Variants in SHQ1 observed in about 807,000 individuals in gnomAD.
SHQ1 encodes SHQ1, H/ACA ribonucleoprotein assembly factor, also known as protein SHQ1 homolog.
In SHQ1, 49 loss-of-function variants were observed where a neutral mutation model predicts 53.8. The ratio of observed to expected loss-of-function variants is 0.91; its 90% CI spans 0.72 to 1.16. The LOEUF (loss-of-function observed/expected upper bound fraction) is 1.16. Among genes scored for constraint, SHQ1 ranks in the 50% most tolerant of loss-of-function variants. SHQ1 has a pLI of 0.00. For missense variants in SHQ1, 738 were observed against 683.1 expected (o/e 1.08, Z -0.90); for synonymous variants, 243 against 251.0 (o/e 0.97, Z 0.30).
At chr3:72,792,623 T>G (rs771206476) in intron 10 of SHQ1, among the ~76,000 whole-genome samples, 31 of 151,792 alleles carry the variant, frequency 2.0e-4, no homozygotes, top group Middle Eastern at 6.8e-3. Context: ...CCGTCTCTAC[T>G]AAAAATAAAA....
intron 5 of SHQ1, among the ~76,000 whole-genome samples, chr3:72,826,124 C>T (rs1707648644): frequency 6.6e-6 from 1 of 152,122 alleles, no homozygotes; most frequent in South Asian, 2.1e-4. Flanking sequence ...AGCTCTTAAC[C>T]AACATAAATA....
intron 6 of SHQ1, among the ~76,000 whole-genome samples, chr3:72,819,114 G>A (rs1160935148): frequency 3.9e-5 from 6 of 152,204 alleles, no homozygotes; most frequent in African/African-American, 1.4e-4. Flanking sequence ...TACACTGTGT[G>A]AAGCTTGTGA....
rs1387503977 is a variant in SHQ1 at position 72,827,434 on chromosome 3, A to C, written c.600-2883T>G. On this transcript the variant is annotated intron_variant, in intron 5 of 10. Coordinates refer to ENST00000325599, the MANE Select transcript of SHQ1 (RefSeq NM_018130.3). ...CAGAGGACACCAAAGGCAAGAGTAA[A>C]GGAGCCTAACTGAAAAGATGCTGTT... is the stretch of plus-strand genomic sequence containing the variant. Among the ~76,000 whole-genome samples, 3 of 152,220 alleles carry C rather than the reference A, an allele frequency of 2.0e-5. No homozygotes were observed. In the East Asian group the frequency reaches 5.8e-4, roughly 29 times the overall value.
intron 1 of SHQ1, among the ~76,000 whole-genome samples, chr3:72,846,691 G>A (rs1708341007): frequency 6.6e-6 from 1 of 152,168 alleles, no homozygotes; most frequent in Non-Finnish European, 1.5e-5. Flanking sequence ...CAGGCTCTGG[G>A]ACTGTTTTGA....
chr3:72,749,279 G>A lies in SHQ1; in HGVS notation c.*1005C>T. 4.5e-6 allele frequency: 1 copy of A among 222,846 alleles called. No individual in the cohort carries two copies. Among genetic ancestry groups the A allele is most frequent in the African/African-American group, 2.2e-5 (1 of 44,888 alleles). 13.8% of individuals were successfully genotyped at this position (222,846 alleles called of 1,614,324 possible). ...AAAGCATACGTCCACATGAAGACTTGTACACAAATGTTCATAACAGCTTTA... is the reference window on the plus strand; with the variant it reads ...AAAGCATACGTCCACATGAAGACTTATACACAAATGTTCATAACAGCTTTA... On this transcript the variant is annotated 3_prime_UTR_variant, in exon 11 of 11. Transcript: ENST00000325599.
intron 4 of SHQ1, among the ~76,000 whole-genome samples, chr3:72,838,732 C>A (rs1708071406): frequency 6.6e-6 from 1 of 152,106 alleles, no homozygotes; most frequent in Non-Finnish European, 1.5e-5. Context: ...AACTCCTGAC[C>A]CGCCTGCCTC....
At chr3:72,754,182 A>G (rs1171820291) in intron 10 of SHQ1, among the ~76,000 whole-genome samples, 1 of 152,156 alleles carries the variant, frequency 6.6e-6, no homozygotes, top group African/African-American at 2.4e-5. Context: ...CTTGTGAATC[A>G]GTGCCATTGT....
intron 6 of SHQ1, among the ~76,000 whole-genome samples, chr3:72,819,963 C>A (rs1221359200): frequency 1.3e-5 from 2 of 152,146 alleles, no homozygotes; most frequent in African/African-American, 2.4e-5. Context: ...ACAGTATTCC[C>A]TTAGGTATGG....
chr3:72,846,534 G>A (rs112065488), intron 1 of SHQ1, among the ~76,000 whole-genome samples: 1,965 of 152,220 alleles, frequency 0.013, 38 homozygotes, highest in African/African-American at 0.043. Flanking sequence ...CTGACCTCAA[G>A]TGATCTGCCC....
chr3:72,744,926 G>GC, downstream of SHQ1, among the ~76,000 whole-genome samples: 3 of 113,770 alleles, frequency 2.6e-5, no homozygotes, highest in South Asian at 5.7e-4. Flanking sequence ...GATACATTGG[G>GC]GGGGGGGGGT....
chr3:72,813,538 C>A (rs1273602968), intron 8 of SHQ1, among the ~76,000 whole-genome samples: 1 of 148,954 alleles, frequency 6.7e-6, no homozygotes, highest in African/African-American at 2.5e-5. Flanking sequence ...GGCCGACGGG[C>A]GGACCACAAG....
chr3:72,754,257 C>T (rs1475214541), intron 10 of SHQ1, among the ~76,000 whole-genome samples: 2 of 152,170 alleles, frequency 1.3e-5, no homozygotes, highest in African/African-American at 4.8e-5. Context: ...GAGGTTCACT[C>T]AGCCAACAAG....
At chr3:72,827,290 T>C (rs1000078861) in intron 5 of SHQ1, among the ~76,000 whole-genome samples, 5 of 151,972 alleles carry the variant, frequency 3.3e-5, no homozygotes, top group African/African-American at 1.2e-4. Flanking sequence ...TAGGTGGACA[T>C]ACAAGTCTGA....
Position 72,830,547 on chromosome 3 carries a change from A to C in SHQ1, c.599+1822T>G, listed in dbSNP as rs1228434775. ...AAAAAAGAATTTTTAAATAAAAATT[A>C]AAAAGAATTTTAGTTGCATTTCATT... On this transcript the variant is annotated intron_variant, in intron 5 of 10. Transcript: ENST00000325599. Among the ~76,000 whole-genome samples the C allele has an allele frequency of 4.6e-5, 7 of 152,300 alleles. No individual in the cohort carries two copies. The East Asian group carries it at 1.2e-3, about 25-fold the overall frequency.
chr3:72,770,553 T>C (rs1490012334), intron 10 of SHQ1, among the ~76,000 whole-genome samples: 1 of 152,092 alleles, frequency 6.6e-6, no homozygotes, highest in African/African-American at 2.4e-5. Context: ...TGTCAGTTTG[T>C]TCAATAAACT....
At chr3:72,726,643 C>T in the SHQ1 span, among the ~76,000 whole-genome samples, 5 of 152,186 alleles carry the variant, frequency 3.3e-5, no homozygotes, top group East Asian at 7.7e-4. Context: ...TGAGCCACCA[C>T]GCCGGGCCAC....
intron 5 of SHQ1, among the ~76,000 whole-genome samples, chr3:72,827,787 C>T (rs1707705036): frequency 7.4e-6 from 1 of 136,044 alleles, no homozygotes. Context: ...CAGAGTCTCA[C>T]TCTGTTGCCC....
rs1188207056 is a variant in SHQ1 at position 72,792,906 on chromosome 3, G to GA, written c.1181+9dup. On this transcript the variant is annotated intron_variant, in intron 10 of 10. Transcript: ENST00000325599. The stretch of plus-strand genomic sequence containing the variant: ...TCTAAAAATTCGTAAGTAACTCTAT[G>GA]AAAACTTACTTGACTTTCTGAATCC... 3 of 1,573,884 alleles carry GA rather than the reference G, an allele frequency of 1.9e-6. No individual in the cohort carries two copies. The highest frequency in any genetic ancestry group is 2.6e-6 in the Non-Finnish European group (3 of 1,157,222).
At chr3:72,768,429 G>A (rs1302338732) in intron 10 of SHQ1, among the ~76,000 whole-genome samples, 1 of 152,208 alleles carries the variant, frequency 6.6e-6, no homozygotes, top group East Asian at 1.9e-4. Context: ...CCGCGGAGAA[G>A]AGCTGCCATC....
Sources: allele counts gnomAD v4.1 joint callset (sites outside exome capture counted in the v4.1 genomes callset), GRCh38; gene constraint gnomAD v4.1.1; transcripts MANE v1.5; gene names NCBI Gene and HGNC (gene_info 2026-07-23, HGNC 2026-07-21).